NKAIN2: variants seen among roughly 807,000 people sequenced by gnomAD.
The protein encoded by NKAIN2 is sodium/potassium transporting ATPase interacting 2.
A neutral mutation model predicts 32.6 loss-of-function variants in NKAIN2; 14 were observed. The observed-to-expected ratio is 0.43, with a 90% CI of 0.28 to 0.67. NKAIN2 has a LOEUF of 0.67. Ranked by LOEUF, NKAIN2 falls within the 30% of genes least tolerant of loss-of-function variation. The pLI is 0.17. For synonymous variants in NKAIN2, 80 were observed against 87.2 expected (o/e 0.92, Z 0.46); for missense variants, 198 against 258.3 (o/e 0.77, Z 1.60).
intron 1 of NKAIN2, among the ~76,000 whole-genome samples, chr6:124,093,626 C>T (rs759418339): frequency 6.6e-6 from 1 of 152,054 alleles, no homozygotes; most frequent in Non-Finnish European, 1.5e-5. Context: ...TTTGGTAAAC[C>T]TGTTTAACCT....
chr6:124,008,273 AT>A (rs2114728430), intron 1 of NKAIN2, among the ~76,000 whole-genome samples: 1 of 152,288 alleles, frequency 6.6e-6, no homozygotes, highest in African/African-American at 2.4e-5. Context: ...ATATTTACAT[AT>A]GTTAGTTTTT....
chr6:124,609,365 T>A (rs1241783140), intron 3 of NKAIN2, among the ~76,000 whole-genome samples: 1 of 152,190 alleles, frequency 6.6e-6, no homozygotes, highest in African/African-American at 2.4e-5. Flanking sequence ...TATTTTTTCA[T>A]CACTCACCCT....
intron 2 of NKAIN2, among the ~76,000 whole-genome samples, chr6:124,328,708 A>G (rs542824935): frequency 1.8e-4 from 27 of 152,338 alleles, no homozygotes; most frequent in Non-Finnish European, 2.5e-4. Context: ...TACATCCAAA[A>G]TTACAGGAAT....
chr6:124,492,373 A>G lies in NKAIN2; in HGVS notation c.273+137026A>G, dbSNP rs760076551. 6.6e-5 allele frequency among the ~76,000 whole-genome samples: 10 copies of G among 152,112 alleles called. No homozygotes were observed. The South Asian group carries it at 1.0e-3, about 16-fold the overall frequency. ...CATCTTCCTGCCTAGAGTTCAGTCA[A>G]ATTTCCTACAGTTCAGTTAAATGTT... is the stretch of plus-strand genomic sequence containing the variant. On this transcript the variant is annotated intron_variant, in intron 3 of 6. Transcript: ENST00000368417.
chr6:124,178,836 C>A (rs1325608249), intron 1 of NKAIN2, among the ~76,000 whole-genome samples: 1 of 151,816 alleles, frequency 6.6e-6, no homozygotes, highest in Non-Finnish European at 1.5e-5. Flanking sequence ...ACAATGTGCT[C>A]AAAAAAGAAG....
chr6:124,264,774 T>G (rs1384797443), intron 1 of NKAIN2, among the ~76,000 whole-genome samples: 2 of 152,208 alleles, frequency 1.3e-5, no homozygotes, highest in African/African-American at 4.8e-5. Context: ...TTTTAATTTT[T>G]AGTTGCTTTT....
intron 2 of NKAIN2, among the ~76,000 whole-genome samples, chr6:124,336,508 A>C (rs1034826119): frequency 3.3e-5 from 5 of 152,186 alleles, no homozygotes; most frequent in Non-Finnish European, 7.3e-5. Context: ...AAATCCCAGA[A>C]GTATAGATCT....
intron 3 of NKAIN2, among the ~76,000 whole-genome samples, chr6:124,458,770 A>T (rs1776417784): frequency 6.6e-6 from 1 of 151,842 alleles, no homozygotes; most frequent in African/African-American, 2.4e-5. Flanking sequence ...AGACTTGGTC[A>T]TCTAACCCTG....
intron 3 of NKAIN2, among the ~76,000 whole-genome samples, chr6:124,650,100 A>AT (rs959273207): frequency 2.6e-5 from 4 of 152,240 alleles, no homozygotes; most frequent in Admixed American, 2.0e-4. Flanking sequence ...AAGCAGGGTT[A>AT]TTCCCTCTCA....
At chr6:124,171,734 T>C (rs983604835) in intron 1 of NKAIN2, among the ~76,000 whole-genome samples, 2 of 150,544 alleles carry the variant, frequency 1.3e-5, no homozygotes, top group African/African-American at 4.9e-5. Flanking sequence ...TGTATTTTAG[T>C]AGAGATGGGG....
intron 4 of NKAIN2, among the ~76,000 whole-genome samples, chr6:124,700,423 T>C (rs1774719145): frequency 6.6e-6 from 1 of 152,190 alleles, no homozygotes; most frequent in Non-Finnish European, 1.5e-5. Flanking sequence ...AAGAGGTTCA[T>C]AACAACTGAG....
chr6:124,064,115 T>G (rs1783046890), intron 1 of NKAIN2, among the ~76,000 whole-genome samples: 1 of 151,984 alleles, frequency 6.6e-6, no homozygotes, highest in Admixed American at 6.6e-5. Context: ...CATGCCCGGC[T>G]AATTTTTTAT....
intron 3 of NKAIN2, among the ~76,000 whole-genome samples, chr6:124,372,088 G>T (rs1232678253): frequency 6.6e-6 from 1 of 152,040 alleles, no homozygotes; most frequent in Non-Finnish European, 1.5e-5. Context: ...TAAAAATAAG[G>T]AGAAACTGGA....
chr6:124,148,176 G>A (rs1309416546), intron 1 of NKAIN2, among the ~76,000 whole-genome samples: 2 of 151,766 alleles, frequency 1.3e-5, no homozygotes, highest in Non-Finnish European at 2.9e-5. Context: ...TCTTGTTCAA[G>A]AAATTATGAG....
At chr6:124,616,433 C>CTTTTTTTTTTTTTTTTTT (rs1562285900) in intron 3 of NKAIN2, among the ~76,000 whole-genome samples, 1 of 68,064 alleles carries the variant, frequency 1.5e-5, no homozygotes, top group African/African-American at 7.4e-5. Context: ...TTTTTCTTTT[C>CTTTTTTTTTTTTTTTTTT]TTTCTTTTTT....
At chr6:124,722,735 C>A (rs1212439888) in intron 4 of NKAIN2, among the ~76,000 whole-genome samples, 9 of 152,218 alleles carry the variant, frequency 5.9e-5, no homozygotes, top group Admixed American at 3.9e-4. Context: ...AGGGGGACCC[C>A]TGGCTTAAGG....
At chr6:124,290,205 G>A (rs1257475049) in intron 2 of NKAIN2, among the ~76,000 whole-genome samples, 1 of 152,078 alleles carries the variant, frequency 6.6e-6, no homozygotes, top group Non-Finnish European at 1.5e-5. Context: ...GATACTTTGT[G>A]CCCTCATTTT....
intron 1 of NKAIN2, among the ~76,000 whole-genome samples, chr6:124,273,866 A>G (rs998425877): frequency 5.9e-5 from 9 of 152,180 alleles, no homozygotes; most frequent in African/African-American, 2.2e-4. Flanking sequence ...ATATTTTCCA[A>G]CTGTTACCTG....
At chr6:124,022,099 G>T (rs938459631) in intron 1 of NKAIN2, among the ~76,000 whole-genome samples, 1 of 138,992 alleles carries the variant, frequency 7.2e-6, no homozygotes, top group African/African-American at 2.7e-5. Context: ...CTGTGTCCAA[G>T]TGTTCTCATT....
Sources: allele counts gnomAD v4.1 joint callset (sites outside exome capture counted in the v4.1 genomes callset), GRCh38; gene constraint gnomAD v4.1.1; transcripts MANE v1.5; gene names NCBI Gene and HGNC (gene_info 2026-07-23, HGNC 2026-07-21).